Variants in DAB2IP observed in about 807,000 individuals in gnomAD.
DAB2IP encodes the protein disabled homolog 2-interacting protein.
DAB2IP carries 28 observed loss-of-function variants against 107.2 expected under a neutral mutation model. The ratio of observed to expected loss-of-function variants is 0.26; its 90% CI spans 0.19 to 0.36. The LOEUF is 0.36. DAB2IP is among the 10% of genes least tolerant of loss of function. The pLI is 1.00. For missense variants in DAB2IP, 1,400 were observed against 1,644.7 expected, an observed-to-expected ratio of 0.85 and a Z score of 2.57; for synonymous variants, 755 against 706.4, an observed-to-expected ratio of 1.07 and a Z score of -1.09.
At chr9:121,775,021 C>CT in intron 13 of DAB2IP, among the ~76,000 whole-genome samples, 1 of 152,348 alleles carries the variant, frequency 6.6e-6, no homozygotes, top group East Asian at 1.9e-4. Context: ...AAATGAAACT[C>CT]TCACTCTGCC....
rs1021969493 is a variant in DAB2IP at position 121,623,606 on chromosome 9, C to T, written c.41-55072C>T. ...TGGTCTTGAACTGCTGGGCCTCAAG[C>T]GGTCCACCCACCTGGCCTCTCAAAG... On this transcript the variant is annotated intron_variant, in intron 1 of 16. Transcript: ENST00000259371. 5.9e-5 allele frequency among the ~76,000 whole-genome samples: 9 copies of T among 152,226 alleles called. 1 individual carries two copies.
chr9:121,773,770 A>G (rs1588005994), intron 12 of DAB2IP, among the ~76,000 whole-genome samples: 1 of 152,102 alleles, frequency 6.6e-6, no homozygotes, highest in African/African-American at 2.4e-5. Flanking sequence ...AGGAGAGTGC[A>G]TTCATCTTCG....
intron 1 of DAB2IP, among the ~76,000 whole-genome samples, chr9:121,674,542 G>T (rs1319440125): frequency 6.6e-6 from 1 of 152,188 alleles, no homozygotes. Flanking sequence ...AGCTTCTCAG[G>T]TGGAGGGGTG....
chr9:121,690,440 G>A (rs555135371), intron 2 of DAB2IP, among the ~76,000 whole-genome samples: 44 of 152,260 alleles, frequency 2.9e-4, no homozygotes, highest in Non-Finnish European at 5.0e-4. Context: ...CCACCCCTTA[G>A]CCAGGGCTGG....
chr9:121,752,069 A>G, intron 3 of DAB2IP: 1 of 978,186 alleles, frequency 1.0e-6, no homozygotes, highest in Non-Finnish European at 1.2e-6. Flanking sequence ...CGTGGGGAGC[A>G]GTGTGCAGCC....
exon 4 of DAB2IP, chr9:121,757,109 A>G (rs946471255): frequency 1.9e-6 from 3 of 1,614,064 alleles, no homozygotes; most frequent in Admixed American, 3.3e-5. Flanking sequence ...GCATGGAGGA[A>G]GAGGTGGTCA....
rs376883832 is a variant in DAB2IP at position 121,599,785 on chromosome 9, G to C, written c.40+32557G>C. On this transcript the variant is annotated intron_variant, in intron 1 of 16. Transcript: ENST00000259371. The surrounding 1 kb of genome is among the most constrained non-coding windows in gnomAD (Gnocchi z 6.9). ...CGTAGAGGTAAAAGCTGGGGGCCGC[G>C]GCTCAGGTGGAGGGGGGCTCGGTGG... 1.8e-3 allele frequency among the ~76,000 whole-genome samples: 278 copies of C among 152,192 alleles called. No homozygotes were observed. Among genetic ancestry groups the C allele is most frequent in the African/African-American group, 6.4e-3 (267 of 41,554 alleles).
At chr9:121,631,204 G>A (rs932215018) in intron 1 of DAB2IP, among the ~76,000 whole-genome samples, 1 of 152,236 alleles carries the variant, frequency 6.6e-6, no homozygotes, top group Non-Finnish European at 1.5e-5. Flanking sequence ...GGTTGCGGGA[G>A]GGGGCAAGGC....
rs148182459 is a variant in DAB2IP at position 121,768,737 on chromosome 9, G to T, written c.1899+104G>T. On this transcript the variant is annotated intron_variant, in intron 10 of 15. Coordinates refer to ENST00000408936, the Ensembl canonical transcript of DAB2IP. ...GGAGGGCAGAGAGTTTGCCCAAGTG[G>T]CATGATCAGGCCAGGTCCTGTCAGA... The T allele has an allele frequency of 2.2e-3, 3,053 of 1,415,802 alleles. 3 individuals carry two copies. The highest frequency in any genetic ancestry group is 2.8e-3 in the Non-Finnish European group (2,867 of 1,031,810). The allele number at this position is 1,415,802 out of a possible 1,614,324, so 87.7% of individuals were successfully genotyped here.
chr9:121,596,361 A>G (rs1193285751), intron 1 of DAB2IP, among the ~76,000 whole-genome samples: 1 of 152,020 alleles, frequency 6.6e-6, no homozygotes, highest in Non-Finnish European at 1.5e-5. Flanking sequence ...AAACAAACAA[A>G]AAACTAGCTG....
chr9:121,764,925 A>G (rs1834160576), intron 8 of DAB2IP, among the ~76,000 whole-genome samples: 1 of 152,094 alleles, frequency 6.6e-6, no homozygotes, highest in Non-Finnish European at 1.5e-5. Flanking sequence ...GGGGCAGGTG[A>G]GCCCACCACC....
intron 3 of DAB2IP, among the ~76,000 whole-genome samples, chr9:121,739,721 CA>C (rs1832191440): frequency 6.6e-6 from 1 of 152,142 alleles, no homozygotes; most frequent in African/African-American, 2.4e-5. Flanking sequence ...CGCTGTCAGG[CA>C]AGCATGGAGA....
At chr9:121,637,203 A>C (rs1832120309) in intron 1 of DAB2IP, among the ~76,000 whole-genome samples, 1 of 152,274 alleles carries the variant, frequency 6.6e-6, no homozygotes, top group South Asian at 2.1e-4. Flanking sequence ...AATGGGCATA[A>C]TAGCACCTTT....
intron 1 of DAB2IP, among the ~76,000 whole-genome samples, chr9:121,603,265 C>T (rs548172737): frequency 1.2e-4 from 19 of 152,272 alleles, no homozygotes; most frequent in Middle Eastern, 6.8e-3. Context: ...ATGTCTGGCC[C>T]GAGGCTGCCT....
chr9:121,653,359 C>G, intron 1 of DAB2IP, among the ~76,000 whole-genome samples: 1 of 151,938 alleles, frequency 6.6e-6, no homozygotes, highest in South Asian at 2.1e-4. Flanking sequence ...TAATTCTGTA[C>G]TTGCTAAGAC....
rs140605079 is a variant in DAB2IP, at chr9:121,772,710, A to T, written c.2182A>T (p.Ser728Cys). The change falls in exon 12 of 16, where the codon AGT becomes TGT. Residue 728 changes from serine (S) to cysteine (C), a missense_variant. This residue lies in a region of DAB2IP where 600 missense variants were observed against 659.1 expected (regional missense o/e 0.91). Coordinates refer to ENST00000408936, the Ensembl canonical transcript of DAB2IP. The surrounding 1 kb of genome is among the most constrained non-coding windows in gnomAD (Gnocchi z 4.7). ...CCAGCCCTCACCTGCCCGCAGCTCG[A>T]GTTACTCGGAAGCCAACGAGCCTGA... The T allele has an allele frequency of 1.4e-5, 23 of 1,613,770 alleles. No individual in the cohort carries two copies. Among genetic ancestry groups the T allele is most frequent in the Admixed American group, 3.3e-5 (2 of 60,004 alleles).
At chr9:121,742,239 C>G (rs895594304) in intron 3 of DAB2IP, among the ~76,000 whole-genome samples, 1 of 152,168 alleles carries the variant, frequency 6.6e-6, no homozygotes. Flanking sequence ...ACCAGCCTGA[C>G]CAACATGGTG....
intron 1 of DAB2IP, among the ~76,000 whole-genome samples, chr9:121,675,689 A>G (rs1046433099): frequency 6.6e-6 from 1 of 152,178 alleles, no homozygotes; most frequent in African/African-American, 2.4e-5. Flanking sequence ...GGTGCTCAGT[A>G]GCCCTGTGAC....
chr9:121,768,735 T>G (rs751968279), intron 10 of DAB2IP, 102 bp downstream of exon 10: 23 of 1,457,896 alleles, frequency 1.6e-5, no homozygotes, highest in Non-Finnish European at 2.2e-5. Flanking sequence ...TTTGCCCAAG[T>G]GGCATGATCA....
Sources: allele counts gnomAD v4.1 joint callset (sites outside exome capture counted in the v4.1 genomes callset), GRCh38; gene constraint gnomAD v4.1.1; regional missense constraint gnomAD v4.1.1; non-coding constraint Gnocchi (gnomAD v3.1); transcripts MANE v1.5; gene names NCBI Gene and HGNC (gene_info 2026-07-23, HGNC 2026-07-21).